The following RIN3 variants were observed in gnomAD, a reference collection of about 807,000 sequenced individuals.
The protein encoded by RIN3 is RAB5 interacting protein 3.
Under a neutral mutation model 76.3 loss-of-function variants are expected in RIN3, and 54 were observed. The observed-to-expected ratio is 0.71, with a 90% confidence interval of 0.57 to 0.89. RIN3 has a LOEUF of 0.89. Ranked by LOEUF, RIN3 falls within the 40% of genes least tolerant of loss-of-function variation. The pLI is 0.00. For synonymous variants in RIN3, 576 were observed against 564.0 expected, an observed-to-expected ratio of 1.02 and a Z score of -0.30; for missense variants, 1,256 against 1,322.1, an observed-to-expected ratio of 0.95 and a Z score of 0.78.
chr14:92,676,227 G>A (rs1470155077), intron 7 of RIN3, among the ~76,000 whole-genome samples: 1 of 151,906 alleles, frequency 6.6e-6, no homozygotes, highest in African/African-American at 2.4e-5. Context: ...AAGGGGTCAG[G>A]GTCTTGCTCC....
At chr14:92,619,604 T>C (rs551875156) in intron 4 of RIN3, among the ~76,000 whole-genome samples, 2 of 152,190 alleles carry the variant, frequency 1.3e-5, no homozygotes, top group South Asian at 4.2e-4. Flanking sequence ...ATTTTTTGTA[T>C]TTTTAGTAGA....
At chr14:92,633,362 G>A (rs1886658712) in intron 4 of RIN3, among the ~76,000 whole-genome samples, 1 of 152,192 alleles carries the variant, frequency 6.6e-6, no homozygotes, top group East Asian at 1.9e-4. Context: ...GGAAGGAAGA[G>A]AAGAGCCTCT....
chr14:92,600,466 C>T (rs563956348), intron 3 of RIN3, among the ~76,000 whole-genome samples: 16 of 152,168 alleles, frequency 1.1e-4, no homozygotes, highest in Admixed American at 2.0e-4. Flanking sequence ...AGTAGCATCT[C>T]GAAGCAAGTG....
intron 8 of RIN3, among the ~76,000 whole-genome samples, chr14:92,682,238 C>T (rs889437915): frequency 6.6e-6 from 1 of 152,102 alleles, no homozygotes; most frequent in Admixed American, 6.6e-5. Context: ...GGCCATAAAC[C>T]CTTTTATCTT....
chr14:92,567,427 C>T (rs1479874771), intron 2 of RIN3, among the ~76,000 whole-genome samples: 1 of 152,146 alleles, frequency 6.6e-6, no homozygotes, highest in Non-Finnish European at 1.5e-5. Flanking sequence ...AATCATCTAG[C>T]AACTTGACTA....
intron 5 of RIN3, among the ~76,000 whole-genome samples, chr14:92,650,265 C>T (rs1246056184): frequency 6.6e-6 from 1 of 152,208 alleles, no homozygotes; most frequent in East Asian, 1.9e-4. Flanking sequence ...ACCAGCCCGA[C>T]CTGGTCAAAT....
chr14:92,675,823 A>G (rs1421449713), intron 7 of RIN3, among the ~76,000 whole-genome samples: 1 of 152,154 alleles, frequency 6.6e-6, no homozygotes, highest in Non-Finnish European at 1.5e-5. Flanking sequence ...CCTTCCTGCC[A>G]CTGTTCCTTT....
intron 8 of RIN3, among the ~76,000 whole-genome samples, chr14:92,684,511 G>A (rs1476173229): frequency 2.6e-5 from 4 of 151,928 alleles, no homozygotes. Context: ...TGGAAGCATG[G>A]TTTCTACTGA....
intron 3 of RIN3, among the ~76,000 whole-genome samples, chr14:92,613,062 CTGATTGT>C (rs1885807753): frequency 6.6e-6 from 1 of 152,242 alleles, no homozygotes; most frequent in African/African-American, 2.4e-5. Context: ...AGGAAAGCCG[CTGATTGT>C]TGAGTATGCC....
At chr14:92,570,958 A>G (rs1898048544) in intron 2 of RIN3, among the ~76,000 whole-genome samples, 2 of 152,232 alleles carry the variant, frequency 1.3e-5, no homozygotes. Flanking sequence ...GCCTCTTTAC[A>G]TATTTGAAGT....
chr14:92,678,474 C>CATAT, intron 8 of RIN3, among the ~76,000 whole-genome samples: 1 of 121,020 alleles, frequency 8.3e-6, no homozygotes, highest in South Asian at 3.3e-4. Flanking sequence ...CCCATCCACC[C>CATAT]ACCCACCCAC....
chr14:92,516,901 T>C (rs1896457345), intron 1 of RIN3, among the ~76,000 whole-genome samples: 1 of 152,056 alleles, frequency 6.6e-6, no homozygotes, highest in Non-Finnish European at 1.5e-5. Flanking sequence ...CAGGAATTGA[T>C]CTCAGCTGGA....
chr14:92,524,610 C>T (rs931935439), intron 1 of RIN3, among the ~76,000 whole-genome samples: 8 of 152,206 alleles, frequency 5.3e-5, no homozygotes, highest in Admixed American at 2.6e-4. Context: ...GGCCAGAGCC[C>T]GTTGAAGTGG....
intron 1 of RIN3, among the ~76,000 whole-genome samples, chr14:92,544,590 T>C (rs1225395409): frequency 1.3e-5 from 2 of 152,182 alleles, no homozygotes; most frequent in Non-Finnish European, 2.9e-5. Flanking sequence ...GGAGTGGTCA[T>C]GGGGACAGGG....
chr14:92,633,007 G>C (rs1377799020), intron 4 of RIN3, among the ~76,000 whole-genome samples: 1 of 152,198 alleles, frequency 6.6e-6, no homozygotes, highest in Non-Finnish European at 1.5e-5. Flanking sequence ...GAGCAACCTG[G>C]CCATAGCAGG....
intron 3 of RIN3, among the ~76,000 whole-genome samples, chr14:92,613,979 G>C (rs1188803878): frequency 1.3e-5 from 2 of 152,190 alleles, no homozygotes; most frequent in Admixed American, 6.5e-5. Flanking sequence ...TGAACAGTGG[G>C]ACCTCCAACA....
intron 1 of RIN3, among the ~76,000 whole-genome samples, chr14:92,516,401 G>T (rs942894209): frequency 6.6e-6 from 1 of 152,176 alleles, no homozygotes; most frequent in Admixed American, 6.5e-5. Context: ...TCTTCTGGGT[G>T]GGGCCCACCT....
chr14:92,661,997 A>C (rs1396636267), intron 7 of RIN3, among the ~76,000 whole-genome samples: 1 of 152,230 alleles, frequency 6.6e-6, no homozygotes, highest in Non-Finnish European at 1.5e-5. Context: ...AACCTCCAGG[A>C]AAAATCCCCA....
At chr14:92,611,924 C>T (rs937957545) in intron 3 of RIN3, among the ~76,000 whole-genome samples, 6 of 152,108 alleles carry the variant, frequency 3.9e-5, no homozygotes, top group African/African-American at 9.7e-5. Context: ...CTTACAATCA[C>T]GGTTTAAAGG....
Sources: gnomAD v4.1 joint callset for allele counts (sites outside exome capture counted in the v4.1 genomes callset) on GRCh38, gnomAD v4.1.1 for gene constraint, MANE v1.5 for transcripts, NCBI Gene and HGNC (gene_info 2026-07-23, HGNC 2026-07-21) for gene names.